Variants in BOP1 observed in about 807,000 individuals in gnomAD.
BOP1 encodes ribosome biogenesis protein BOP1.
BOP1 carries 54 observed loss-of-function variants against 82.9 expected under a neutral mutation model. That is an observed-to-expected ratio of 0.65 (90% CI 0.52 to 0.82). The LOEUF is 0.82. Ranked by LOEUF, BOP1 falls within the 40% of genes least tolerant of loss-of-function variation. The pLI is 0.00. For synonymous variants in BOP1, 566 were observed against 451.1 expected, an observed-to-expected ratio of 1.25 and a Z score of -3.23; for missense variants, 1,170 against 1,072.0, an observed-to-expected ratio of 1.09 and a Z score of -1.28.
rs1845308403 is a variant in BOP1 at position 144,264,416 on chromosome 8, T to A, written c.787A>T (p.Ile263Phe). ...CGAGGCTGGATCCAGCCCATCTTGA[T>A]GGCGTGCACCATGCGAGAGACCTGC... ...KEKVSRMVHAIKMGWIQPRRP... is the reference protein window; with the variant it reads ...KEKVSRMVHAFKMGWIQPRRP... The change falls in exon 7 of 16, where the codon ATC (isoleucine) becomes TTC (phenylalanine). Residue 263 changes from isoleucine to phenylalanine, a missense_variant. By Grantham distance (21) the Ile-to-Phe change is conservative. Coordinates refer to ENST00000569669, the MANE Select transcript of BOP1 (RefSeq NM_015201.5). 2.1e-5 allele frequency: 33 copies of A among 1,602,846 alleles called. No individual in the cohort carries two copies. In the South Asian group the frequency reaches 3.0e-4, roughly 14 times the overall value.
chr8:144,266,782 G>C, intron 3 of BOP1: 1 of 1,102,060 alleles, frequency 9.1e-7, no homozygotes, highest in Non-Finnish European at 1.1e-6. Flanking sequence ...GCGGAGGGCG[G>C]GGGGCCGGCG....
rs368186549 is a variant in BOP1 at position 144,288,961 on chromosome 8, G to A, written c.309+134C>T. The A allele has an allele frequency of 1.3e-4, 117 of 896,716 alleles. No individual in the cohort carries two copies. In the East Asian group the frequency reaches 2.4e-3, roughly 19 times the overall value. The allele number at this position is 896,716 out of a possible 1,614,324, so 55.5% of individuals were successfully genotyped here. On this transcript the variant is annotated intron_variant, in intron 2 of 15. Coordinates refer to ENST00000569669, the MANE Select transcript of BOP1 (RefSeq NM_015201.5). ...CGTCCTAGAGCCCAAGCGTGCCCCA[G>A]GTGCAGTGAAGGAGGGACGCCGGCC...
At chr8:144,272,945 C>G (rs1014500735) in intron 3 of BOP1, among the ~76,000 whole-genome samples, 111 of 152,242 alleles carry the variant, frequency 7.3e-4, no homozygotes, top group African/African-American at 2.6e-3. Context: ...TGGAAAGGGA[C>G]CAGACCCGAG....
chr8:144,289,447 C>T (rs1477014888), intron 1 of BOP1, 143 bp from the exon 2 acceptor site: 3 of 812,092 alleles, frequency 3.7e-6, no homozygotes, highest in Non-Finnish European at 5.8e-6. Context: ...CAGTCACAAA[C>T]TTCCACCAAA....
chr8:144,283,459 G>A (rs1027792445), intron 2 of BOP1, among the ~76,000 whole-genome samples: 9 of 152,100 alleles, frequency 5.9e-5, no homozygotes, highest in Non-Finnish European at 1.2e-4. Flanking sequence ...CCACGGGCAC[G>A]CACCGCCATG....
At chr8:144,267,284 G>A (rs1290868218) in intron 3 of BOP1, 1 of 1,326,786 alleles carries the variant, frequency 7.5e-7, no homozygotes, top group South Asian at 1.8e-5. Flanking sequence ...CTCCCCAACA[G>A]GGCACAGGCA....
In BOP1 at chr8:144,263,244, G is replaced by T. The variant is rs1314750383; in HGVS notation, c.1582C>A (p.Arg528=). 3.1e-6 allele frequency: 5 copies of T among 1,594,720 alleles called. No homozygotes were observed. In the East Asian group the frequency reaches 1.1e-4, roughly 36 times the overall value. ...ASEEERQVGL[R]LRICHGKPVT... ...ACCTTCCCGTGGCAGATGCGCAGCC[G>T]CAGGCCCACTTGGCGCTCCTCCTCT... The change falls in exon 12 of 16, where the codon CGG becomes AGG. Residue 528 remains arginine (R), a synonymous_variant. Transcript: ENST00000569669.
At chr8:144,270,656 G>A (rs889237919) in intron 3 of BOP1, among the ~76,000 whole-genome samples, 252 of 152,252 alleles carry the variant, frequency 1.7e-3, no homozygotes, top group African/African-American at 5.2e-3. Context: ...CGGGGGTGGC[G>A]TGGGCTGACC....
rs1406745767 is a variant in BOP1, at chr8:144,263,160, G to A, written c.1606-19C>T. 1.9e-6 allele frequency: 3 copies of A among 1,592,442 alleles called. No individual in the cohort carries two copies. Among genetic ancestry groups the A allele is most frequent in the Non-Finnish European group, 2.5e-6 (3 of 1,178,440 alleles). On this transcript the variant is annotated intron_variant, in intron 12 of 15. Coordinates refer to ENST00000569669, the MANE Select transcript of BOP1 (RefSeq NM_015201.5). The stretch of plus-strand genomic sequence containing the variant: ...TCACTGGCTGCAGGAGAGCAAGGCT[G>A]GCTGAGTGGCTGAGCCGGGCCCCTC...
At chr8:144,289,446 A>T (rs1554839867) in intron 1 of BOP1, 142 bp from the exon 2 acceptor site, 11 of 808,970 alleles carry the variant, frequency 1.4e-5, no homozygotes, top group Non-Finnish European at 2.1e-5. Flanking sequence ...CCAGTCACAA[A>T]CTTCCACCAA....
At chr8:144,282,947 G>A (rs1258883065) in intron 2 of BOP1, among the ~76,000 whole-genome samples, 3 of 151,808 alleles carry the variant, frequency 2.0e-5, no homozygotes, top group Non-Finnish European at 4.4e-5. Flanking sequence ...CCAGCACTTT[G>A]GGAGGCCAAG....
chr8:144,286,654 T>C (rs563448699), intron 2 of BOP1, among the ~76,000 whole-genome samples: 12 of 151,676 alleles, frequency 7.9e-5, no homozygotes, highest in Admixed American at 5.2e-4. Flanking sequence ...GGCAGGTGCA[T>C]GAGCGCCACA....
At chr8:144,285,832 G>A (rs558576208) in intron 2 of BOP1, among the ~76,000 whole-genome samples, 4 of 152,360 alleles carry the variant, frequency 2.6e-5, no homozygotes, top group East Asian at 3.9e-4. Flanking sequence ...GTGGACCCAC[G>A]ATGCGAGTGG....
At chr8:144,286,121 C>G (rs922653921) in intron 2 of BOP1, among the ~76,000 whole-genome samples, 5 of 152,192 alleles carry the variant, frequency 3.3e-5, no homozygotes, top group African/African-American at 7.2e-5. Flanking sequence ...GCTCAGCAGG[C>G]CAAGGTGCCT....
intron 2 of BOP1, among the ~76,000 whole-genome samples, chr8:144,284,252 C>T (rs770048232): frequency 6.6e-6 from 1 of 152,134 alleles, no homozygotes; most frequent in African/African-American, 2.4e-5. Flanking sequence ...GAGCCAACAT[C>T]GCACCACTGC....
rs966289610 is a variant in BOP1 at position 144,265,026 on chromosome 8, C to T, written c.436G>A (p.Asp146Asn). The T allele has an allele frequency of 1.2e-5, 20 of 1,612,130 alleles. No homozygotes were observed. The South Asian group carries it at 1.9e-4, about 15-fold the overall frequency. Reference sequence around the variant, plus strand: ...AGGTCGTAGCCCACGTGGGGGAAGTCATCGTACCACTCCAAGGGCACGTTG... The same window carrying T: ...AGGTCGTAGCCCACGTGGGGGAAGTTATCGTACCACTCCAAGGGCACGTTG... The part of the protein sequence containing the change: ...VGNVPLEWYD[D>N]FPHVGYDLDG... The change falls in exon 4 of 16, where the codon GAC becomes AAC. Residue 146 changes from aspartate to asparagine, a missense_variant. Coordinates refer to ENST00000569669, the MANE Select transcript of BOP1 (RefSeq NM_015201.5).
chr8:144,283,401 G>A, intron 2 of BOP1, among the ~76,000 whole-genome samples: 1 of 152,164 alleles, frequency 6.6e-6, no homozygotes, highest in Admixed American at 6.5e-5. Flanking sequence ...CTAAGTGCAT[G>A]GATGATGCCG....
chr8:144,264,383 G>A lies in BOP1; in HGVS notation c.820C>T (p.Arg274Ter), dbSNP rs1845307587. The change falls in exon 7 of 16, where the codon CGA becomes TGA. Residue 274 changes from arginine (R) to a stop codon, truncating the protein, a stop_gained. Transcript: ENST00000569669. LOFTEE classifies it high-confidence loss of function. ...TCATAGAAGCTGGGGGTGGGGTCTC[G>A]GGGCCGGCGAGGCTGGATCCAGCCC... ...KMGWIQPRRP[R>*]DPTPSFYDLW... 10 of 1,603,066 alleles carry A rather than the reference G, an allele frequency of 6.2e-6. No individual in the cohort carries two copies. The highest frequency in any genetic ancestry group is 2.7e-5 in the African/African-American group (2 of 74,898).
In BOP1 at chr8:144,263,396, T is replaced by A. The variant is rs1400283111; in HGVS notation, c.1430A>T (p.Asp477Val). Residue 477 changes from aspartate to valine, a missense_variant, in exon 12 of 16, where the codon GAC (aspartate) becomes GTC (valine). Coordinates refer to ENST00000569669, the MANE Select transcript of BOP1 (RefSeq NM_015201.5). The part of the protein sequence containing the change: ...AVCLVAAAVE[D>V]SVLLLNPALG... ...AGCTGGGTTCAGCAGCAGCACCGAG[T>A]CCTCCCTGTGAGCCAGGCCCAGACA... The A allele has an allele frequency of 5.6e-6, 9 of 1,597,446 alleles. No individual in the cohort carries two copies. The highest frequency in any genetic ancestry group is 6.8e-6 in the Non-Finnish European group (8 of 1,179,602).
Sources: gnomAD v4.1 joint callset for allele counts (sites outside exome capture counted in the v4.1 genomes callset) on GRCh38, gnomAD v4.1.1 for gene constraint, MANE v1.5 for transcripts, NCBI Gene and HGNC (gene_info 2026-07-23, HGNC 2026-07-21) for gene names.